Variants in KCTD20 observed in about 807,000 individuals in gnomAD.
KCTD20 encodes BTB/POZ domain-containing protein KCTD20.
KCTD20 carries 30 observed loss-of-function variants against 39.6 expected under a neutral mutation model. The ratio of observed to expected loss-of-function variants is 0.76; its 90% confidence interval spans 0.57 to 1.03. The LOEUF (loss-of-function observed/expected upper bound fraction) is 1.03, where lower values mean the gene tolerates loss of function less well. KCTD20 is among the 50% of genes least tolerant of loss of function. KCTD20 has a pLI of 0.00. For missense variants in KCTD20, 422 were observed against 522.0 expected (o/e 0.81, Z 1.87); for synonymous variants, 162 against 180.6 (o/e 0.90, Z 0.83).
rs577582869 is a variant in KCTD20 at position 36,465,913 on chromosome 6, T to C, written c.-46-4139T>C. Among the ~76,000 whole-genome samples the C allele has an allele frequency of 2.6e-4, 39 of 152,316 alleles. 1 individual carries two copies. In the South Asian group the frequency reaches 6.8e-3, roughly 27 times the overall value. ...CCATTATTAATATACATTTTAACTCTTGCTGCCTTTCCAAAGCAGTCTCTT... is the reference window on the plus strand; with the variant it reads ...CCATTATTAATATACATTTTAACTCCTGCTGCCTTTCCAAAGCAGTCTCTT... On this transcript the variant is annotated intron_variant, in intron 1 of 7. Coordinates refer to ENST00000373731, the MANE Select transcript of KCTD20 (RefSeq NM_173562.5).
At chr6:36,445,522 G>A (rs538347016) in intron 1 of KCTD20, among the ~76,000 whole-genome samples, 3 of 152,216 alleles carry the variant, frequency 2.0e-5, no homozygotes, top group African/African-American at 7.2e-5. Flanking sequence ...GTCTTCCTCT[G>A]GCCTTCAATC....
chr6:36,448,829 A>G (rs1197804128), intron 1 of KCTD20, among the ~76,000 whole-genome samples: 1 of 152,096 alleles, frequency 6.6e-6, no homozygotes, highest in Admixed American at 6.5e-5. Flanking sequence ...GTTCCTTCAC[A>G]TGTTCAGATG....
chr6:36,476,334 C>T (rs1776060704), intron 3 of KCTD20, among the ~76,000 whole-genome samples: 2 of 151,682 alleles, frequency 1.3e-5, no homozygotes, highest in Non-Finnish European at 2.9e-5. Flanking sequence ...GTTAGAAATT[C>T]GAATTGATCA....
At chr6:36,443,322 G>A (rs2127421708) in intron 1 of KCTD20, 2 of 152,408 alleles carry the variant, frequency 1.3e-5, no homozygotes, top group South Asian at 4.1e-4. Context: ...TCCGCGCGGA[G>A]GGCAGAGTCT....
rs748900983 is a variant in KCTD20, at chr6:36,474,885, G to A, written c.257G>A (p.Gly86Glu). Residue 86 changes from glycine (G) to glutamate (E), a missense_variant, in exon 3 of 8, where the codon GGG becomes GAG. Coordinates refer to ENST00000373731, the MANE Select transcript of KCTD20 (RefSeq NM_173562.5). ...ATCAAAGGTTCTTGCTTCCAAAGTG[G>A]GAATAAACGGAACCATGAACCTTTT... is the stretch of plus-strand genomic sequence containing the variant. ...EDIKGSCFQSGNKRNHEPFIA... is the reference protein window; with the variant it reads ...EDIKGSCFQSENKRNHEPFIA... 1.2e-6 allele frequency: 2 copies of A among 1,614,070 alleles called. No individual in the cohort carries two copies. The highest frequency in any genetic ancestry group is 1.7e-5 in the Admixed American group (1 of 60,004).
At chr6:36,456,432 C>T (rs1775436357) in intron 1 of KCTD20, among the ~76,000 whole-genome samples, 1 of 152,100 alleles carries the variant, frequency 6.6e-6, no homozygotes, top group Admixed American at 6.6e-5. Flanking sequence ...GCGCCCGTCA[C>T]CACATCCAGC....
chr6:36,487,348 G>A lies in KCTD20; in HGVS notation c.*173G>A, dbSNP rs1776459073. ...TCAGTAAGTCCATGCCTCTGGCAGG[G>A]GATGAAGAAGTACTCACTGGTAATT... On this transcript the variant is annotated 3_prime_UTR_variant, in exon 8 of 8. Transcript: ENST00000373731. 3 of 645,920 alleles carry A rather than the reference G, an allele frequency of 4.6e-6. No homozygotes were observed. The highest frequency in any genetic ancestry group is 7.8e-6 in the Non-Finnish European group (3 of 385,276). The allele number at this position is 645,920 out of a possible 1,614,324, so 40.0% of individuals were successfully genotyped here.
Position 36,474,834 on chromosome 6 carries a change from C to T in KCTD20, c.206C>T (p.Pro69Leu), listed in dbSNP as rs757775597. The change falls in exon 3 of 8, where the codon CCT becomes CTT. Residue 69 changes from proline (P) to leucine (L), a missense_variant. Pro to Leu is a moderately conservative substitution (Grantham distance 98, BLOSUM62 -3). Coordinates refer to ENST00000373731, the MANE Select transcript of KCTD20 (RefSeq NM_173562.5). Reference sequence around the variant, plus strand: ...TCTCAGCCAGCAAATCTTCAGTTCCCTCACATAATGCCCCTTGCTGAAGAC... The same window carrying T: ...TCTCAGCCAGCAAATCTTCAGTTCCTTCACATAATGCCCCTTGCTGAAGAC... ...YASQPANLQF[P>L]HIMPLAEDIK... is the part of the protein sequence containing the mutation. 6.2e-7 allele frequency: 1 copy of T among 1,613,620 alleles called. No homozygotes were observed. The highest frequency in any genetic ancestry group is 8.5e-7 in the Non-Finnish European group (1 of 1,179,604).
Position 36,491,018 on chromosome 6 carries a change from G to C in KCTD20, c.*3843G>C, listed in dbSNP as rs1776571572. On this transcript the variant is annotated 3_prime_UTR_variant, in exon 8 of 8. Transcript: ENST00000373731. ...GAGAACATTACATTTTCTTCTGAAG[G>C]CAAAATGCTTGTAGGTTTTGCCTCT... 6.6e-6 allele frequency: 1 copy of C among 152,132 alleles called. No individual in the cohort carries two copies. Among genetic ancestry groups the C allele is most frequent in the African/African-American group, 2.4e-5 (1 of 41,410 alleles). The allele number at this position is 152,132 out of a possible 1,614,324, so 9.4% of individuals were successfully genotyped here. A position where few individuals can be genotyped will look rare whatever the true frequency, so the allele number is the denominator to read the frequency against.
At chr6:36,476,207 T>C (rs1776057505) in intron 3 of KCTD20, among the ~76,000 whole-genome samples, 1 of 152,096 alleles carries the variant, frequency 6.6e-6, no homozygotes, top group Non-Finnish European at 1.5e-5. Context: ...AGAGTAAAAA[T>C]AGTAATAATA....
rs956491547 is a variant in KCTD20, at chr6:36,489,155, G to A, written c.*1980G>A. 2 of 152,724 alleles carry A rather than the reference G, an allele frequency of 1.3e-5. No homozygotes were observed. The highest frequency in any genetic ancestry group is 4.1e-4 in the South Asian group (2 of 4,828). The allele number at this position is 152,724 out of a possible 1,614,324, so 9.5% of individuals were successfully genotyped here. ...TTCCATGCCATTACAAAGGAAATTT[G>A]AATTACCTAGTGTTTGTATATTCCA... On this transcript the variant is annotated 3_prime_UTR_variant, in exon 8 of 8. Coordinates refer to ENST00000373731, the MANE Select transcript of KCTD20 (RefSeq NM_173562.5).
intron 1 of KCTD20, among the ~76,000 whole-genome samples, chr6:36,451,892 C>A (rs972322603): frequency 6.6e-6 from 1 of 152,188 alleles, no homozygotes; most frequent in African/African-American, 2.4e-5. Flanking sequence ...CTCACTGCAA[C>A]CTCCTCCTCC....
At chr6:36,479,552 G>C in intron 4 of KCTD20, 39 bp from the exon 5 acceptor site, 1 of 1,576,454 alleles carries the variant, frequency 6.3e-7, no homozygotes, top group Non-Finnish European at 8.6e-7. Flanking sequence ...TTTTCATCTT[G>C]TTCTCTGCCT....
chr6:36,474,564 C>T (rs1016137242), intron 2 of KCTD20, among the ~76,000 whole-genome samples: 2 of 152,116 alleles, frequency 1.3e-5, no homozygotes, highest in African/African-American at 2.4e-5. Flanking sequence ...TCATCCTCTC[C>T]CTCCCCCAAC....
chr6:36,450,543 A>G (rs1222420771), intron 1 of KCTD20, among the ~76,000 whole-genome samples: 1 of 151,718 alleles, frequency 6.6e-6, no homozygotes, highest in African/African-American at 2.4e-5. Context: ...CGTTTCCTTC[A>G]TCACTATGTC....
intron 2 of KCTD20, among the ~76,000 whole-genome samples, chr6:36,471,483 G>A (rs960782554): frequency 7.2e-5 from 11 of 152,082 alleles, no homozygotes; most frequent in Admixed American, 5.2e-4. Flanking sequence ...ACTTTGTAGC[G>A]CTTTATGGAA....
chr6:36,483,276 T>C (rs1776315932), intron 6 of KCTD20, among the ~76,000 whole-genome samples: 1 of 148,200 alleles, frequency 6.7e-6, no homozygotes, highest in African/African-American at 2.5e-5. Flanking sequence ...TTTTTTTTTT[T>C]TTTTTTTTTG....
At chr6:36,455,322 C>T (rs994391902) in intron 1 of KCTD20, among the ~76,000 whole-genome samples, 2 of 152,108 alleles carry the variant, frequency 1.3e-5, no homozygotes, top group Non-Finnish European at 2.9e-5. Context: ...GCAGGATAAT[C>T]GCTTTAACCT....
In KCTD20 at chr6:36,449,152, C is replaced by T. The variant is rs190662346; in HGVS notation, c.-47+6041C>T. ...GGCTGCTGCTGCTGGCTCAGGTGGC[C>T]AGCATTTAGTCCCTTATTTGGCCCT... On this transcript the variant is annotated intron_variant, in intron 1 of 7. Coordinates refer to ENST00000373731, the MANE Select transcript of KCTD20 (RefSeq NM_173562.5). Among the ~76,000 whole-genome samples the T allele has an allele frequency of 5.9e-5, 9 of 152,278 alleles. No individual in the cohort carries two copies. In the East Asian group the frequency reaches 1.7e-3, roughly 29 times the overall value.
Sources: gnomAD v4.1 joint callset for allele counts (sites outside exome capture counted in the v4.1 genomes callset) on GRCh38, gnomAD v4.1.1 for gene constraint, MANE v1.5 for transcripts, NCBI Gene and HGNC (gene_info 2026-07-23, HGNC 2026-07-21) for gene names.